Variants in ZNF469 observed in about 807,000 individuals in gnomAD.
ZNF469 encodes zinc finger protein 469.
A neutral mutation model predicts 1.0 loss-of-function variants in ZNF469; 1 was observed. That is an observed-to-expected ratio of 1.00 (90% CI 0.35 to 4.73). ZNF469 has a LOEUF of 4.73. Among genes scored for constraint, ZNF469 ranks in the 30% most tolerant of loss-of-function variants. The pLI, the probability that ZNF469 is intolerant of heterozygous loss-of-function variation, is 0.16. For synonymous variants in ZNF469, 2,703 were observed against 2,363.4 expected, an observed-to-expected ratio of 1.14 and a Z score of -4.17; for missense variants, 6,100 against 5,356.3, an observed-to-expected ratio of 1.14 and a Z score of -4.33.
At chr16:88,314,178 A>G in the ZNF469 span, among the ~76,000 whole-genome samples, 3 of 115,428 alleles carry the variant, frequency 2.6e-5, no homozygotes, top group Admixed American at 8.2e-5. Flanking sequence ...GCTGGTGTGG[A>G]CTGTCATCTC....
Position 88,437,844 on chromosome 16 carries a change from G to C in ZNF469, c.10374G>C (p.Ala3458=). The C allele has an allele frequency of 6.5e-7, 1 of 1,540,130 alleles. No homozygotes were observed. Among genetic ancestry groups the C allele is most frequent in the East Asian group, 2.5e-5 (1 of 40,560 alleles). ...FAFRGVRRPG[A]PGQKARALEG... The stretch of plus-strand genomic sequence containing the variant: ...TCCGCGGCGTGCGGAGGCCGGGAGC[G>C]CCGGGACAGAAGGCCCGGGCCCTCG... Residue 3458 remains alanine, a synonymous_variant, in exon 3 of 3, where the codon GCG becomes GCC. Coordinates refer to ENST00000565624, the MANE Select transcript of ZNF469 (RefSeq NM_001367624.2).
the ZNF469 span, among the ~76,000 whole-genome samples, chr16:88,136,135 C>T: frequency 2.0e-5 from 3 of 152,138 alleles, no homozygotes; most frequent in Non-Finnish European, 4.4e-5. Context: ...GACCTATGAA[C>T]GTGCAGCTGG....
chr16:88,184,958 TC>T, the ZNF469 span, among the ~76,000 whole-genome samples: 1 of 151,912 alleles, frequency 6.6e-6, no homozygotes, highest in South Asian at 2.1e-4. Flanking sequence ...GTGAACACAC[TC>T]ATGCACACGC....
the ZNF469 span, among the ~76,000 whole-genome samples, chr16:88,198,794 A>G: frequency 1.2e-4 from 18 of 152,308 alleles, no homozygotes; most frequent in Non-Finnish European, 2.4e-4. Context: ...CTCCCTGTTT[A>G]TTAAAAAGAG....
chr16:88,192,769 GTGA>G, the ZNF469 span, among the ~76,000 whole-genome samples: 212 of 152,324 alleles, frequency 1.4e-3, no homozygotes, highest in Non-Finnish European at 1.3e-3. Context: ...GATCATGATG[GTGA>G]TGATGGTGGT....
At chr16:88,367,298 A>G in the ZNF469 span, among the ~76,000 whole-genome samples, 1 of 152,254 alleles carries the variant, frequency 6.6e-6, no homozygotes. Context: ...TCAATCCTTC[A>G]AGGCAAGTAT....
At chr16:88,223,897 C>T in the ZNF469 span, among the ~76,000 whole-genome samples, 36 of 152,254 alleles carry the variant, frequency 2.4e-4, no homozygotes, top group African/African-American at 8.0e-4. Flanking sequence ...TCATCTCACG[C>T]TCAGCACCGC....
chr16:88,268,842 C>T, the ZNF469 span, among the ~76,000 whole-genome samples: 1 of 152,180 alleles, frequency 6.6e-6, no homozygotes. Flanking sequence ...ACGTGCAGCC[C>T]GGCCCCCATG....
At chr16:88,248,712 A>G in the ZNF469 span, among the ~76,000 whole-genome samples, 2 of 152,282 alleles carry the variant, frequency 1.3e-5, no homozygotes, top group East Asian at 3.9e-4. Flanking sequence ...AAACCTTTGC[A>G]TTTATTCATC....
At chr16:88,401,363 G>C (rs1170779392) in intron 1 of ZNF469, among the ~76,000 whole-genome samples, 1 of 152,206 alleles carries the variant, frequency 6.6e-6, no homozygotes. Flanking sequence ...CAGCCCTGCA[G>C]TAAGCCGAGG....
the ZNF469 span, among the ~76,000 whole-genome samples, chr16:88,267,348 T>C: frequency 1.3e-5 from 2 of 152,160 alleles, no homozygotes; most frequent in African/African-American, 4.8e-5. Flanking sequence ...TTGCCCAGCC[T>C]CACTTCGGTG....
rs912262737 is a variant in ZNF469 at position 88,427,749 on chromosome 16, C to T, written c.279C>T (p.Pro93=). ...GCACCCCTGGGAAGAGGGGCAGCCC[C>T]CAGACCCCACCGGGGAGAAGCCCCT... ...PSSTPGKRGS[P]QTPPGRSPLQ... Residue 93 remains proline, a synonymous_variant, in exon 3 of 3, where the codon CCC becomes CCT. Coordinates refer to ENST00000565624, the MANE Select transcript of ZNF469 (RefSeq NM_001367624.2). 1.3e-6 allele frequency: 2 copies of T among 1,543,354 alleles called. No individual in the cohort carries two copies. Among genetic ancestry groups the T allele is most frequent in the African/African-American group, 2.7e-5 (2 of 73,138 alleles).
the ZNF469 span, among the ~76,000 whole-genome samples, chr16:88,145,097 A>G: frequency 6.6e-6 from 1 of 151,104 alleles, no homozygotes; most frequent in East Asian, 1.9e-4. Flanking sequence ...TGATCCGCCC[A>G]CCTCAGCTTC....
chr16:88,337,835 C>G, the ZNF469 span, among the ~76,000 whole-genome samples: 1 of 152,224 alleles, frequency 6.6e-6, no homozygotes, highest in Admixed American at 6.5e-5. Context: ...ATGGGGTTGT[C>G]TGGCTTTTTG....
At chr16:88,222,902 A>G in the ZNF469 span, among the ~76,000 whole-genome samples, 1 of 152,244 alleles carries the variant, frequency 6.6e-6, no homozygotes, top group African/African-American at 2.4e-5. Flanking sequence ...CTCATCCCAA[A>G]GGATTATTTT....
chr16:88,201,863 T>C, the ZNF469 span, among the ~76,000 whole-genome samples: 8 of 152,312 alleles, frequency 5.3e-5, no homozygotes, highest in East Asian at 1.5e-3. This position sits in a 1 kb window ranked among gnomAD's most constrained non-coding sequence, Gnocchi z 5.0. Context: ...CTGAACCCTA[T>C]CATTTGTGTG....
At chr16:88,366,224 T>C in the ZNF469 span, among the ~76,000 whole-genome samples, 1 of 150,458 alleles carries the variant, frequency 6.6e-6, no homozygotes, top group Non-Finnish European at 1.5e-5. Context: ...ATCACCACCA[T>C]CATAATCGTC....
chr16:88,103,209 C>T, the ZNF469 span, among the ~76,000 whole-genome samples: 2 of 151,874 alleles, frequency 1.3e-5, no homozygotes, highest in Admixed American at 1.3e-4. Flanking sequence ...GTTAAAAACA[C>T]TGGCATGGCC....
the ZNF469 span, among the ~76,000 whole-genome samples, chr16:88,231,586 C>A: frequency 6.6e-6 from 1 of 152,148 alleles, no homozygotes; most frequent in Non-Finnish European, 1.5e-5. The surrounding 1 kb of genome is among the most constrained non-coding windows in gnomAD (Gnocchi z 4.5). Context: ...ACCTTTGTGG[C>A]CTCTGAGGCC....
Sources: gnomAD v4.1 joint callset for allele counts (sites outside exome capture counted in the v4.1 genomes callset) on GRCh38, gnomAD v4.1.1 for gene constraint, Gnocchi (gnomAD v3.1) non-coding constraint, MANE v1.5 for transcripts, NCBI Gene and HGNC (gene_info 2026-07-23, HGNC 2026-07-21) for gene names.